SYT14: variants seen among roughly 807,000 people sequenced by gnomAD.
SYT14 encodes synaptotagmin 14.
Under a neutral mutation model 74.2 loss-of-function variants are expected in SYT14, and 32 were observed. That is an observed-to-expected ratio of 0.43 (90% CI 0.33 to 0.58). SYT14 has a LOEUF of 0.58. SYT14 is among the 20% of genes least tolerant of loss of function. SYT14 has a pLI of 0.05. For synonymous variants in SYT14, 298 were observed against 337.7 expected (o/e 0.88, Z 1.29); for missense variants, 791 against 981.8 (o/e 0.81, Z 2.60).
exon 10 of SYT14, chr1:210,166,309 T>C (rs542396416): frequency 1.3e-4 from 20 of 152,384 alleles, no homozygotes; most frequent in African/African-American, 4.6e-4. Context: ...CTTACGCCTG[T>C]AATCCCAACA....
chr1:210,000,480 A>G (rs1470635907), intron 2 of SYT14, among the ~76,000 whole-genome samples: 1 of 151,076 alleles, frequency 6.6e-6, no homozygotes, highest in Admixed American at 6.6e-5. Flanking sequence ...ACACACACAC[A>G]CACACACACA....
chr1:210,134,015 G>T (rs942898586), intron 7 of SYT14, among the ~76,000 whole-genome samples: 5 of 151,650 alleles, frequency 3.3e-5, no homozygotes, highest in African/African-American at 4.8e-5. Flanking sequence ...TTCATGTAAG[G>T]GTTGGCACAT....
intron 5 of SYT14, among the ~76,000 whole-genome samples, chr1:210,036,690 A>G (rs1235454215): frequency 1.3e-5 from 2 of 152,206 alleles, no homozygotes; most frequent in South Asian, 2.1e-4. Flanking sequence ...TGAGATGATA[A>G]TATAGTTTTT....
In SYT14 at chr1:209,988,996, C is replaced by T. The variant is rs369363145; in HGVS notation, c.-485-24637C>T. On this transcript the variant is annotated intron_variant, in intron 2 of 9. Coordinates refer to ENST00000637265, the Ensembl canonical transcript of SYT14. ...TCTCCTCAACACTCACCTGACTGTA[C>T]AGTGACCGCACTGTCCCCTTTCTCC... is the stretch of plus-strand genomic sequence containing the variant. 7.2e-5 allele frequency among the ~76,000 whole-genome samples: 11 copies of T among 152,316 alleles called. No homozygotes were observed. The East Asian group carries it at 1.2e-3, about 16-fold the overall frequency.
chr1:210,016,255 T>C (rs2080180345), exon 4 of SYT14: 1 of 1,232,006 alleles, frequency 8.1e-7, no homozygotes, highest in Non-Finnish European at 1.0e-6. Flanking sequence ...CCAAAAACAC[T>C]AATTGTCAGA....
chr1:209,962,236 G>A (rs779266997), intron 2 of SYT14, among the ~76,000 whole-genome samples: 14 of 151,318 alleles, frequency 9.3e-5, no homozygotes, highest in East Asian at 1.9e-4. Flanking sequence ...TGCCATTTTC[G>A]TTTTTTCTGG....
intron 5 of SYT14, among the ~76,000 whole-genome samples, chr1:210,076,110 A>G (rs1274601924): frequency 6.6e-6 from 1 of 152,174 alleles, no homozygotes; most frequent in East Asian, 1.9e-4. Context: ...TGGGAATAGT[A>G]AGAGCCATTT....
At chr1:209,938,303 C>A (rs751929360) in intron 1 of SYT14, 26 bp downstream of exon 1, 1 of 1,550,424 alleles carries the variant, frequency 6.4e-7, no homozygotes, top group Non-Finnish European at 8.7e-7. Flanking sequence ...CAGCGGGGAG[C>A]GAGGACCGGG....
intron 1 of SYT14, among the ~76,000 whole-genome samples, chr1:209,951,630 CAT>C (rs986235720): frequency 1.1e-4 from 16 of 152,166 alleles, no homozygotes; most frequent in African/African-American, 3.4e-4. Flanking sequence ...GCACAGCACA[CAT>C]GTGGGAAACA....
intron 5 of SYT14, among the ~76,000 whole-genome samples, chr1:210,060,741 T>C (rs1216543640): frequency 6.6e-6 from 1 of 152,058 alleles, no homozygotes; most frequent in Non-Finnish European, 1.5e-5. Context: ...CATGTCCTTT[T>C]TTAGGGCAAT....
chr1:210,137,701 A>G (rs1296200546), intron 7 of SYT14, among the ~76,000 whole-genome samples: 1 of 146,866 alleles, frequency 6.8e-6, no homozygotes, highest in African/African-American at 2.5e-5. Flanking sequence ...TTTTTTTGAA[A>G]TGGAGTTTTG....
At chr1:210,031,786 T>C (rs533711947) in intron 5 of SYT14, among the ~76,000 whole-genome samples, 60 of 152,276 alleles carry the variant, frequency 3.9e-4, no homozygotes, top group Non-Finnish European at 7.5e-4. Context: ...TTTCTTGTTA[T>C]AGCTTTTACC....
At chr1:210,034,677 T>C (rs549895157) in intron 5 of SYT14, among the ~76,000 whole-genome samples, 2 of 151,830 alleles carry the variant, frequency 1.3e-5, no homozygotes, top group Non-Finnish European at 3.0e-5. Flanking sequence ...TATTACACTC[T>C]CTGTGTGTAA....
chr1:210,022,662 G>T (rs868810093), intron 5 of SYT14, among the ~76,000 whole-genome samples: 4 of 152,266 alleles, frequency 2.6e-5, no homozygotes, highest in African/African-American at 9.6e-5. Context: ...AACTGAACTG[G>T]CAGGGTTGCC....
intron 2 of SYT14, among the ~76,000 whole-genome samples, chr1:210,005,433 A>G (rs1328454814): frequency 6.6e-6 from 1 of 151,988 alleles, no homozygotes; most frequent in African/African-American, 2.4e-5. Flanking sequence ...TGTTGAATTC[A>G]AAATCTTACT....
intron 7 of SYT14, among the ~76,000 whole-genome samples, chr1:210,154,487 A>G (rs1030118710): frequency 4.6e-5 from 7 of 152,158 alleles, no homozygotes; most frequent in African/African-American, 1.7e-4. Flanking sequence ...TCAAATTTCA[A>G]ATTTACTAGA....
chr1:210,110,517 A>G (rs2082241753), intron 7 of SYT14, among the ~76,000 whole-genome samples: 1 of 152,210 alleles, frequency 6.6e-6, no homozygotes, highest in Non-Finnish European at 1.5e-5. Context: ...TGAAAAGTCA[A>G]GAGGGAATGA....
At chr1:209,957,647 G>T (rs906967409) in intron 2 of SYT14, among the ~76,000 whole-genome samples, 3 of 151,888 alleles carry the variant, frequency 2.0e-5, no homozygotes, top group Non-Finnish European at 4.4e-5. Flanking sequence ...GGCTTGTCTT[G>T]AACTCCCTAC....
At chr1:209,973,830 G>A (rs922795718) in intron 2 of SYT14, among the ~76,000 whole-genome samples, 4 of 152,200 alleles carry the variant, frequency 2.6e-5, no homozygotes, top group African/African-American at 9.7e-5. Flanking sequence ...CCCACCAACA[G>A]TGTAAAAGTG....
Sources: gnomAD v4.1 joint callset for allele counts (sites outside exome capture counted in the v4.1 genomes callset) on GRCh38, gnomAD v4.1.1 for gene constraint, MANE v1.5 for transcripts, NCBI Gene and HGNC (gene_info 2026-07-23, HGNC 2026-07-21) for gene names.